SDK1: variants seen among roughly 807,000 people sequenced by gnomAD.
SDK1 encodes protein sidekick-1.
SDK1 carries 157 observed loss-of-function variants against 245.5 expected under a neutral mutation model. The observed-to-expected ratio is 0.64, with a 90% confidence interval of 0.56 to 0.73. SDK1 has a LOEUF of 0.73. SDK1 is among the 30% of genes least tolerant of loss of function. The pLI, the probability that SDK1 is intolerant of heterozygous loss-of-function variation, is 0.00. For synonymous variants in SDK1, 1,647 were observed against 1,278.5 expected, an observed-to-expected ratio of 1.29 and a Z score of -6.15; for missense variants, 3,583 against 3,002.3, an observed-to-expected ratio of 1.19 and a Z score of -4.52.
At chr7:3,469,956 A>G (rs968258122) in intron 1 of SDK1, among the ~76,000 whole-genome samples, 1 of 152,212 alleles carries the variant, frequency 6.6e-6, no homozygotes, top group Admixed American at 6.5e-5. Context: ...TGCTTCTGGC[A>G]TGAAGGAATA....
intron 1 of SDK1, among the ~76,000 whole-genome samples, chr7:3,548,627 A>G (rs1779305895): frequency 6.6e-6 from 1 of 152,222 alleles, no homozygotes. Context: ...GAGGGCACCC[A>G]GGCTTTTGAA....
At chr7:3,710,607 G>T (rs1785020328) in intron 4 of SDK1, among the ~76,000 whole-genome samples, 1 of 152,162 alleles carries the variant, frequency 6.6e-6, no homozygotes, top group African/African-American at 2.4e-5. Flanking sequence ...AAAACAGAAC[G>T]GTGAAATCTA....
intron 17 of SDK1, among the ~76,000 whole-genome samples, chr7:4,044,863 C>G (rs1183885483): frequency 1.3e-5 from 2 of 152,196 alleles, no homozygotes; most frequent in African/African-American, 2.4e-5. Context: ...CCCACATTCA[C>G]CAGCGTGACG....
chr7:4,160,336 C>T (rs1358485957), intron 31 of SDK1, among the ~76,000 whole-genome samples: 1 of 152,168 alleles, frequency 6.6e-6, no homozygotes, highest in Non-Finnish European at 1.5e-5. Context: ...CAACAGCCTC[C>T]TTTGACCTCC....
rs1428668956 is a variant in SDK1, at chr7:4,132,565, A to C, written c.4228+142A>C. 5.0e-6 allele frequency: 3 copies of C among 601,524 alleles called. No individual in the cohort carries two copies. The African/African-American group carries it at 5.5e-5, about 11-fold the overall frequency. The allele number at this position is 601,524 out of a possible 1,614,324, so 37.3% of individuals were successfully genotyped here. A position where few individuals can be genotyped will look rare whatever the true frequency, so the allele number is the denominator to read the frequency against. On this transcript the variant is annotated intron_variant, in intron 28 of 44. Coordinates refer to ENST00000404826, the MANE Select transcript of SDK1 (RefSeq NM_152744.4). ...TGTGAGACCCCATCTCTCCAAAGAA[A>C]AAATTCAGACTATTAGCCGGGCATG...
chr7:4,157,443 AGGG>A, intron 30 of SDK1, among the ~76,000 whole-genome samples: 1 of 98,412 alleles, frequency 1.0e-5, no homozygotes, highest in South Asian at 3.5e-4. Flanking sequence ...AGAGAAAAGG[AGGG>A]AAGGGAGGTG....
intron 5 of SDK1, among the ~76,000 whole-genome samples, chr7:3,899,212 C>T (rs941804898): frequency 6.6e-6 from 1 of 152,192 alleles, no homozygotes; most frequent in South Asian, 2.1e-4. Context: ...CCATGCTCTT[C>T]TTAATATATG....
chr7:3,779,282 A>G (rs1780654286), intron 4 of SDK1, among the ~76,000 whole-genome samples: 1 of 152,174 alleles, frequency 6.6e-6, no homozygotes, highest in African/African-American at 2.4e-5. Context: ...GGGCTAGAGT[A>G]GTTTAAAAAT....
At chr7:3,442,054 C>A (rs527706043) in intron 1 of SDK1, among the ~76,000 whole-genome samples, 1 of 152,218 alleles carries the variant, frequency 6.6e-6, no homozygotes, top group African/African-American at 2.4e-5. Context: ...ACTCACCTAG[C>A]CTGCTGGTAC....
intron 5 of SDK1, among the ~76,000 whole-genome samples, chr7:3,929,309 T>C (rs771009264): frequency 6.6e-6 from 1 of 152,254 alleles, no homozygotes; most frequent in African/African-American, 2.4e-5. Context: ...TTTGATCGCT[T>C]GGCCAGCTGT....
intron 1 of SDK1, among the ~76,000 whole-genome samples, chr7:3,474,336 C>CGGAG (rs933032761): frequency 6.6e-6 from 1 of 151,670 alleles, no homozygotes; most frequent in South Asian, 2.1e-4. Flanking sequence ...CCTCGTTGTC[C>CGGAG]GCCTGCCTCA....
chr7:3,457,833 CTCTT>C (rs1446100688), intron 1 of SDK1, among the ~76,000 whole-genome samples: 1 of 152,166 alleles, frequency 6.6e-6, no homozygotes, highest in Non-Finnish European at 1.5e-5. Context: ...ATGTCTCTCT[CTCTT>C]TCTGGTTTTA....
At chr7:3,698,978 G>A (rs1473266366) in intron 4 of SDK1, among the ~76,000 whole-genome samples, 1 of 152,140 alleles carries the variant, frequency 6.6e-6, no homozygotes. Flanking sequence ...GAGAGGCCCA[G>A]GGGACGCTGG....
intron 44 of SDK1, among the ~76,000 whole-genome samples, chr7:4,257,554 G>C (rs1787708804): frequency 6.6e-6 from 1 of 152,218 alleles, no homozygotes; most frequent in Non-Finnish European, 1.5e-5. Context: ...AATGACAGGG[G>C]CTGAGCAGGA....
intron 14 of SDK1, among the ~76,000 whole-genome samples, chr7:3,998,501 C>A (rs933716584): frequency 2.6e-5 from 4 of 152,148 alleles, no homozygotes; most frequent in African/African-American, 7.2e-5. Context: ...TTTAGAAATA[C>A]CCCTACGTTT....
chr7:4,219,435 A>G (rs1490721633), intron 38 of SDK1, among the ~76,000 whole-genome samples: 1 of 152,228 alleles, frequency 6.6e-6, no homozygotes, highest in African/African-American at 2.4e-5. Flanking sequence ...AGTGGAAGGC[A>G]AAGGAGAAGC....
intron 40 of SDK1, among the ~76,000 whole-genome samples, chr7:4,223,627 A>G (rs973986609): frequency 2.0e-5 from 3 of 152,194 alleles, no homozygotes; most frequent in Non-Finnish European, 4.4e-5. Context: ...CGCCAGTCAT[A>G]CTAGACTGGG....
chr7:3,355,543 C>T (rs73048677), intron 1 of SDK1, among the ~76,000 whole-genome samples: 18,242 of 152,112 alleles, frequency 0.12, 1,509 homozygotes, highest in African/African-American at 0.23. Context: ...ATTTCTTCTC[C>T]GTTCTTTGCA....
intron 1 of SDK1, among the ~76,000 whole-genome samples, chr7:3,603,649 T>G (rs1307672990): frequency 1.3e-5 from 2 of 152,180 alleles, no homozygotes; most frequent in Non-Finnish European, 2.9e-5. Context: ...TTGACTTCCT[T>G]TTTTCATAAT....
Sources: gnomAD v4.1 joint callset for allele counts (sites outside exome capture counted in the v4.1 genomes callset) on GRCh38, gnomAD v4.1.1 for gene constraint, MANE v1.5 for transcripts, NCBI Gene and HGNC (gene_info 2026-07-23, HGNC 2026-07-21) for gene names.